ZNF486: variants seen among roughly 807,000 people sequenced by gnomAD.
ZNF486 encodes the protein zinc finger protein 486.
ZNF486 carries 12 observed loss-of-function variants against 12.8 expected under a neutral mutation model. That is an observed-to-expected ratio of 0.94 (90% confidence interval 0.60 to 1.52). The LOEUF is 1.52. Among genes scored for constraint, ZNF486 ranks in the 40% most tolerant of loss-of-function variants. The pLI is 0.00. For missense variants in ZNF486, 738 were observed against 545.0 expected, an observed-to-expected ratio of 1.35 and a Z score of -3.53; for synonymous variants, 231 against 184.9, an observed-to-expected ratio of 1.25 and a Z score of -2.02.
chr19:20,167,382 C>T, intron 1 of ZNF486, 22 bp downstream of exon 1: 2 of 1,611,976 alleles, frequency 1.2e-6, no homozygotes, highest in Non-Finnish European at 1.7e-6. Flanking sequence ...CATTGGACAT[C>T]CTGAGAGAGG....
At chr19:20,189,021 T>C (rs1555716839) in intron 3 of ZNF486, among the ~76,000 whole-genome samples, 1 of 152,196 alleles carries the variant, frequency 6.6e-6, no homozygotes, top group Non-Finnish European at 1.5e-5. Flanking sequence ...TTGGCTTTTG[T>C]GAATACTGGT....
chr19:20,184,446 G>T lies in ZNF486; in HGVS notation c.121G>T (p.Val41Leu). 1 of 1,613,468 alleles carries T rather than the reference G, an allele frequency of 6.2e-7. No homozygotes were observed. Among genetic ancestry groups the T allele is most frequent in the East Asian group, 2.2e-5 (1 of 44,848 alleles). The change falls in exon 2 of 4, where the codon GTG (valine) becomes TTG (leucine). Residue 41 changes from valine to leucine, a missense_variant. Transcript: ENST00000335117. ...DTAQQNLYRD[V>L]MLENYRHLVF... Reference sequence around the variant, plus strand: ...TGCACAGCAGAATTTATATAGGGATGTGATGTTAGAGAACTACAGACACCT... The same window carrying T: ...TGCACAGCAGAATTTATATAGGGATTTGATGTTAGAGAACTACAGACACCT...
At chr19:20,176,449 G>A (rs543393845) in intron 1 of ZNF486, 37 of 207,974 alleles carry the variant, frequency 1.8e-4, no homozygotes, top group Admixed American at 3.0e-4. Context: ...CTGCAATCTC[G>A]GTACTTTGGG....
At chr19:20,194,081 C>T (rs2089933474) in intron 3 of ZNF486, among the ~76,000 whole-genome samples, 1 of 151,070 alleles carries the variant, frequency 6.6e-6, no homozygotes, top group African/African-American at 2.5e-5. Context: ...ATACTTTTAT[C>T]TTTTAAATTT....
rs8106056 is a variant in ZNF486, at chr19:20,184,361, A to T, written c.36A>T (p.Ser12=). ...TGTGTGTGTGTGTTTTTCAGGAATCATTGCAATTTAGAGATGTGGCTGTAG... is the reference window on the plus strand; with the variant it reads ...TGTGTGTGTGTGTTTTTCAGGAATCTTTGCAATTTAGAGATGTGGCTGTAG... The part of the protein sequence containing the change: ...PGPLRSLEME[S]LQFRDVAVEF... Residue 12 remains serine, a synonymous_variant, in exon 2 of 4, where the codon TCA becomes TCT. Transcript: ENST00000335117. 1 of 1,612,678 alleles carries T rather than the reference A, an allele frequency of 6.2e-7. No individual in the cohort carries two copies.
chr19:20,169,203 C>T (rs1555713487), intron 1 of ZNF486, among the ~76,000 whole-genome samples: 1 of 152,026 alleles, frequency 6.6e-6, no homozygotes, highest in East Asian at 1.9e-4. Flanking sequence ...CATCCTCTAC[C>T]TCCTGGGTTC....
chr19:20,185,525 C>A (rs2089833299), intron 2 of ZNF486, among the ~76,000 whole-genome samples: 1 of 145,130 alleles, frequency 6.9e-6, no homozygotes, highest in Non-Finnish European at 1.5e-5. Context: ...ATTCTCCTGT[C>A]TGAGCCTCCT....
intron 1 of ZNF486, among the ~76,000 whole-genome samples, chr19:20,181,656 T>C (rs1555715606): frequency 1.3e-5 from 2 of 152,148 alleles, no homozygotes; most frequent in African/African-American, 4.8e-5. Context: ...TTTTCTATTC[T>C]TGCAGATCCA....
At chr19:20,187,763 A>T (rs1245931638) in intron 3 of ZNF486, among the ~76,000 whole-genome samples, 1 of 152,078 alleles carries the variant, frequency 6.6e-6, no homozygotes, top group Non-Finnish European at 1.5e-5. Context: ...TCGGCCTCCC[A>T]AAGTGCTGGG....
chr19:20,173,813 C>G (rs1302921788), intron 1 of ZNF486, among the ~76,000 whole-genome samples: 1 of 150,228 alleles, frequency 6.7e-6, no homozygotes, highest in Non-Finnish European at 1.5e-5. Context: ...GCCTGGGGGA[C>G]AGAGCGAGAC....
chr19:20,185,040 G>A (rs1315316498), intron 2 of ZNF486, among the ~76,000 whole-genome samples: 1 of 152,150 alleles, frequency 6.6e-6, no homozygotes, highest in African/African-American at 2.4e-5. Flanking sequence ...GAACACAGGA[G>A]GCAGAGGTTT....
intron 3 of ZNF486, among the ~76,000 whole-genome samples, chr19:20,190,675 G>A (rs969171539): frequency 6.6e-5 from 10 of 152,208 alleles, no homozygotes; most frequent in African/African-American, 2.2e-4. Flanking sequence ...AAGAGCCACT[G>A]CACCCCGTCA....
chr19:20,192,332 CAG>C (rs575398446), intron 3 of ZNF486, among the ~76,000 whole-genome samples: 150 of 152,202 alleles, frequency 9.9e-4, no homozygotes, highest in Non-Finnish European at 1.8e-3. Flanking sequence ...TATTTTGAGA[CAG>C]AGTTTCACTT....
chr19:20,179,154 C>A (rs145138427), intron 1 of ZNF486, among the ~76,000 whole-genome samples: 3 of 152,140 alleles, frequency 2.0e-5, no homozygotes, highest in African/African-American at 7.2e-5. Context: ...CCACTTTGAA[C>A]GATGTATTCA....
chr19:20,199,670 T>C lies in ZNF486; in HGVS notation c.*1568T>C, dbSNP rs111785853. 0.061 allele frequency: 9,273 copies of C among 151,910 alleles called. 355 individuals are homozygous for C. Among genetic ancestry groups the C allele is most frequent in the African/African-American group, 0.11 (4,707 of 41,434 alleles). The allele number at this position is 151,910 out of a possible 1,614,324, so 9.4% of individuals were successfully genotyped here. A position where few individuals can be genotyped will look rare whatever the true frequency, so the allele number is the denominator to read the frequency against. On this transcript the variant is annotated 3_prime_UTR_variant, in exon 4 of 4. Transcript: ENST00000335117. ...AGAGGTTGTGGTGAGTCGAGATCAT[T>C]GCACTCCAGCCTGGGCAATAAGAGT... is the stretch of plus-strand genomic sequence containing the variant.
intron 1 of ZNF486, 100 bp downstream of exon 1, chr19:20,167,460 T>G: frequency 1.4e-6 from 2 of 1,406,648 alleles, no homozygotes; most frequent in Non-Finnish European, 2.0e-6. Flanking sequence ...CTCCACAATC[T>G]GCGTCCGGAC....
chr19:20,176,448 C>T (rs1033209874), intron 1 of ZNF486: 10 of 208,080 alleles, frequency 4.8e-5, no homozygotes, highest in African/African-American at 7.1e-5. Context: ...GCTGCAATCT[C>T]GGTACTTTGG....
At chr19:20,176,088 AG>A (rs2089709270) in intron 1 of ZNF486, 2 of 184,902 alleles carry the variant, frequency 1.1e-5, no homozygotes, top group Non-Finnish European at 2.2e-5. Context: ...TGCCAGGCAG[AG>A]GGTCTCCTCA....
chr19:20,173,072 G>C (rs1208241073), intron 1 of ZNF486, among the ~76,000 whole-genome samples: 1 of 152,280 alleles, frequency 6.6e-6, no homozygotes, highest in Non-Finnish European at 1.5e-5. Flanking sequence ...GTTCAAATAG[G>C]TCTCATTTGT....
Sources: gnomAD v4.1 joint callset for allele counts (sites outside exome capture counted in the v4.1 genomes callset) on GRCh38, gnomAD v4.1.1 for gene constraint, MANE v1.5 for transcripts, NCBI Gene and HGNC (gene_info 2026-07-23, HGNC 2026-07-21) for gene names.